The following NCOA2 variants were observed in gnomAD, a reference collection of about 807,000 sequenced individuals.
The protein encoded by NCOA2 is nuclear receptor coactivator 2.
A neutral mutation model predicts 145.1 loss-of-function variants in NCOA2; 21 were observed. That is an observed-to-expected ratio of 0.14 (90% confidence interval 0.10 to 0.21). The LOEUF (loss-of-function observed/expected upper bound fraction) is 0.21, where lower values mean the gene tolerates loss of function less well. NCOA2 is among the 10% of genes least tolerant of loss of function. The probability of loss-of-function intolerance (pLI) is 1.00; values close to 1 mark genes in which losing one functional copy is unlikely to be tolerated. For synonymous variants in NCOA2, 619 were observed against 637.5 expected (o/e 0.97, Z 0.44); for missense variants, 1,472 against 1,837.6 (o/e 0.80, Z 3.64).
intron 4 of NCOA2, among the ~76,000 whole-genome samples, chr8:70,197,619 G>C (rs1323153105): frequency 6.6e-6 from 1 of 152,176 alleles, no homozygotes; most frequent in East Asian, 1.9e-4. Context: ...ACGTAAGTAT[G>C]AATTAATAAG....
At chr8:70,394,817 C>T (rs1813511251) in intron 1 of NCOA2, among the ~76,000 whole-genome samples, 1 of 152,148 alleles carries the variant, frequency 6.6e-6, no homozygotes, top group Admixed American at 6.5e-5. Flanking sequence ...ATGTAATACT[C>T]GATCCTACTA....
chr8:70,204,773 C>G (rs1818260296), intron 4 of NCOA2, among the ~76,000 whole-genome samples: 1 of 152,192 alleles, frequency 6.6e-6, no homozygotes, highest in Non-Finnish European at 1.5e-5. Flanking sequence ...GGGCAGATCA[C>G]CTGAGCTCAG....
intron 4 of NCOA2, among the ~76,000 whole-genome samples, chr8:70,210,216 T>A (rs748040171): frequency 6.6e-6 from 1 of 152,216 alleles, no homozygotes; most frequent in Non-Finnish European, 1.5e-5. Context: ...ATGGTTTGTT[T>A]TGAGTACGAA....
chr8:70,306,552 T>C (rs1381094050), intron 1 of NCOA2, among the ~76,000 whole-genome samples: 1 of 152,172 alleles, frequency 6.6e-6, no homozygotes, highest in South Asian at 2.1e-4. Context: ...AGCTACCTTT[T>C]GTTATGAAAC....
intron 1 of NCOA2, among the ~76,000 whole-genome samples, chr8:70,363,864 A>AT (rs894593408): frequency 8.6e-5 from 13 of 151,676 alleles, no homozygotes; most frequent in African/African-American, 2.4e-4. Flanking sequence ...ATATAAACTG[A>AT]TTTTTTTTTA....
Position 70,156,208 on chromosome 8 carries a change from G to C in NCOA2, c.2157C>G (p.Ser719=). 1 of 1,613,922 alleles carries C rather than the reference G, an allele frequency of 6.2e-7. No individual in the cohort carries two copies. Among genetic ancestry groups the C allele is most frequent in the East Asian group, 2.2e-5 (1 of 44,874 alleles). The change falls in exon 11 of 23, where the codon TCC becomes TCG. Residue 719 remains serine, a synonymous_variant. Coordinates refer to ENST00000452400, the MANE Select transcript of NCOA2 (RefSeq NM_006540.4). The stretch of plus-strand genomic sequence containing the variant: ...CTTCTGATCCAGGAGCTGTGCTGCT[G>C]GACTCCTGGCTCAGGTCTTTGCCTG... ...EATGKDLSQE[S]SSTAPGSEVT...
intron 4 of NCOA2, among the ~76,000 whole-genome samples, chr8:70,197,300 GTACT>G (rs1817431183): frequency 1.3e-5 from 2 of 151,950 alleles, no homozygotes; most frequent in African/African-American, 4.8e-5. Context: ...ATCAATCATA[GTACT>G]TACTAATTTG....
At chr8:70,402,302 G>T (rs762962931) in intron 1 of NCOA2, 3 of 152,406 alleles carry the variant, frequency 2.0e-5, no homozygotes, top group Non-Finnish European at 1.5e-5. Flanking sequence ...GGTGGCGGAG[G>T]AAGGTGTTCA....
the NCOA2 span, among the ~76,000 whole-genome samples, chr8:70,443,338 C>A: frequency 6.6e-6 from 1 of 152,082 alleles, no homozygotes; most frequent in African/African-American, 2.4e-5. Context: ...CATGACATTG[C>A]ACTCCAACCT....
chr8:70,133,073 T>G (rs907625743), intron 15 of NCOA2, among the ~76,000 whole-genome samples: 7 of 147,026 alleles, frequency 4.8e-5, no homozygotes, highest in African/African-American at 1.0e-4. Flanking sequence ...AGAGGAGGGG[T>G]GTGTGTGTGT....
chr8:70,116,813 G>C (rs1807188266), intron 22 of NCOA2, among the ~76,000 whole-genome samples: 1 of 152,248 alleles, frequency 6.6e-6, no homozygotes, highest in Non-Finnish European at 1.5e-5. Flanking sequence ...GCAGATTCAA[G>C]AGGGGGACTA....
At chr8:70,287,848 G>A (rs1281591177) in intron 2 of NCOA2, among the ~76,000 whole-genome samples, 1 of 152,126 alleles carries the variant, frequency 6.6e-6, no homozygotes, top group East Asian at 1.9e-4. Flanking sequence ...CCTTGTCACA[G>A]CCTTACCTAT....
chr8:70,289,083 G>A (rs561240713), intron 2 of NCOA2, among the ~76,000 whole-genome samples: 1 of 152,262 alleles, frequency 6.6e-6, no homozygotes, highest in South Asian at 2.1e-4. Flanking sequence ...AAATATAATA[G>A]CGTAAGTAAT....
At chr8:70,143,412 A>C (rs1350086620) in intron 13 of NCOA2, among the ~76,000 whole-genome samples, 2 of 152,196 alleles carry the variant, frequency 1.3e-5, no homozygotes, top group South Asian at 2.1e-4. Flanking sequence ...GTAAGCCTTA[A>C]TAAATCATGG....
intron 15 of NCOA2, among the ~76,000 whole-genome samples, chr8:70,134,291 G>A (rs1809489037): frequency 6.6e-6 from 1 of 152,236 alleles, no homozygotes; most frequent in Admixed American, 6.5e-5. Flanking sequence ...AAAGAGAGGA[G>A]ATTCCTCAAT....
At chr8:70,380,072 CTA>C (rs1351802909) in intron 1 of NCOA2, among the ~76,000 whole-genome samples, 1 of 151,950 alleles carries the variant, frequency 6.6e-6, no homozygotes, top group African/African-American at 2.4e-5. Context: ...CTTAAGCCTT[CTA>C]TAAATAAGAC....
At chr8:70,155,583 AT>A (rs1812185883) in intron 11 of NCOA2, among the ~76,000 whole-genome samples, 1 of 152,240 alleles carries the variant, frequency 6.6e-6, no homozygotes, top group South Asian at 2.1e-4. Context: ...ACACATGATA[AT>A]TCCATGAAAT....
chr8:70,254,631 A>C (rs1823482653), intron 2 of NCOA2, among the ~76,000 whole-genome samples: 1 of 147,568 alleles, frequency 6.8e-6, no homozygotes, highest in African/African-American at 2.5e-5. Context: ...GATTCCTCTT[A>C]CATGAGGTAG....
At chr8:70,372,920 C>T (rs1260912455) in intron 1 of NCOA2, among the ~76,000 whole-genome samples, 1 of 152,160 alleles carries the variant, frequency 6.6e-6, no homozygotes, top group Non-Finnish European at 1.5e-5. Context: ...GAGACTCATC[C>T]ATATGGTGTT....
Sources: gnomAD v4.1 joint callset for allele counts (sites outside exome capture counted in the v4.1 genomes callset) on GRCh38, gnomAD v4.1.1 for gene constraint, MANE v1.5 for transcripts, NCBI Gene and HGNC (gene_info 2026-07-23, HGNC 2026-07-21) for gene names.